ERBB2: variants seen among roughly 807,000 people sequenced by gnomAD.
The protein encoded by ERBB2 is receptor tyrosine-protein kinase erbB-2.
ERBB2 carries 61 observed loss-of-function variants against 149.0 expected under a neutral mutation model. The ratio of observed to expected loss-of-function variants is 0.41; its 90% CI spans 0.33 to 0.51. ERBB2 has a LOEUF of 0.51. ERBB2 is among the 20% of genes least tolerant of loss of function. The probability of loss-of-function intolerance (pLI) is 0.25; values close to 1 mark genes in which losing one functional copy is unlikely to be tolerated. For missense variants in ERBB2, 1,205 were observed against 1,655.1 expected (o/e 0.73, Z 4.72); for synonymous variants, 633 against 678.8 (o/e 0.93, Z 1.05).
At chr17:39,696,395 CG>C (rs1159744871), upstream of ERBB2, 2 of 152,218 alleles carry the variant, frequency 1.3e-5, no homozygotes, top group Admixed American at 1.3e-4. Flanking sequence ...TCTGCCAGTC[CG>C]GGTTTCTTCC....
chr17:39,708,703 C>T (rs113081785), intron 3 of ERBB2, among the ~76,000 whole-genome samples, 169 bp downstream of exon 3: 174 of 152,318 alleles, frequency 1.1e-3, no homozygotes, highest in African/African-American at 3.9e-3. Context: ...TCCCCTTCTT[C>T]CTGGGAAGTT....
intron 16 of ERBB2, among the ~76,000 whole-genome samples, chr17:39,722,448 GC>G (rs2059502073): frequency 6.6e-6 from 1 of 152,004 alleles, no homozygotes; most frequent in Non-Finnish European, 1.5e-5. Context: ...GCTGCAGTGG[GC>G]CATGATCTCA....
chr17:39,726,014 C>A lies in ERBB2; in HGVS notation c.2872+161C>A. Reference sequence around the variant, plus strand: ...CTTGTATCCCTTTTACAGTCAAAGTCCAAAGCCACTCTTGAGGAACACTCT... The same window carrying A: ...CTTGTATCCCTTTTACAGTCAAAGTACAAAGCCACTCTTGAGGAACACTCT... On this transcript the variant is annotated intron_variant, in intron 23 of 26. Coordinates refer to ENST00000269571, the MANE Select transcript of ERBB2 (RefSeq NM_004448.4). This position sits in a 1 kb window ranked among gnomAD's most constrained non-coding sequence, Gnocchi z 5.1. The A allele has an allele frequency of 1.5e-6, 1 of 681,538 alleles. No homozygotes were observed. The highest frequency in any genetic ancestry group is 2.4e-6 in the Non-Finnish European group (1 of 410,356). The allele number at this position is 681,538 out of a possible 1,614,324, so 42.2% of individuals were successfully genotyped here. A position where few individuals can be genotyped will look rare whatever the true frequency, so the allele number is the denominator to read the frequency against.
intron 2 of ERBB2, 47 bp from the exon 3 acceptor site, chr17:39,708,274 G>T (rs186083828): frequency 2.0e-6 from 3 of 1,521,040 alleles, no homozygotes; most frequent in South Asian, 2.3e-5. Flanking sequence ...AGGCCCTGGG[G>T]GGTGGCAGTG....
rs766276087 is a variant in ERBB2, at chr17:39,726,958, C to T, written c.3114C>T (p.Gly1038=). The change falls in exon 25 of 27, where the codon GGC becomes GGT. Residue 1038 remains glycine, a synonymous_variant. Transcript: ENST00000269571. The surrounding 1 kb of genome is among the most constrained non-coding windows in gnomAD (Gnocchi z 5.1). ...QGFFCPDPAP[G]AGGMVHHRHR... The stretch of plus-strand genomic sequence containing the variant: ...TCTTCTGTCCAGACCCTGCCCCGGG[C>T]GCTGGGGGCATGGTCCACCACAGGC... The T allele has an allele frequency of 1.1e-5, 18 of 1,611,400 alleles. No homozygotes were observed. Among genetic ancestry groups the T allele is most frequent in the Non-Finnish European group, 1.4e-5 (17 of 1,179,098 alleles).
At position 39,708,413 on chromosome 17, in the gene ERBB2, G is replaced by C. The variant is rs1416951791; in HGVS notation, c.318G>C (p.Gln106His). ...LQRLRIVRGT[Q>H]LFEDNYALAV... ...GGCTGCGGATTGTGCGAGGCACCCA[G>C]CTCTTTGAGGACAACTATGCCCTGG... Residue 106 changes from glutamine to histidine, a missense_variant, in exon 3 of 27, where the codon CAG becomes CAC. By Grantham distance (24) the Gln-to-His change is conservative (BLOSUM62 0). Around this residue, in one of 6 missense-constraint regions of ERBB2, gnomAD observed 569 missense variants for 803.5 expected, o/e 0.71. Coordinates refer to ENST00000269571, the MANE Select transcript of ERBB2 (RefSeq NM_004448.4). The C allele has an allele frequency of 1.9e-6, 3 of 1,614,204 alleles. No individual in the cohort carries two copies. Among genetic ancestry groups the C allele is most frequent in the African/African-American group, 1.3e-5 (1 of 75,052 alleles).
intron 16 of ERBB2, among the ~76,000 whole-genome samples, chr17:39,722,696 G>A (rs2059512993): frequency 6.6e-6 from 1 of 151,856 alleles, no homozygotes; most frequent in Admixed American, 6.6e-5. Context: ...CCTTGGTGTT[G>A]AGGGGCATGT....
At chr17:39,695,734 C>G (rs2057847169), upstream of ERBB2, among the ~76,000 whole-genome samples, 1 of 151,094 alleles carries the variant, frequency 6.6e-6, no homozygotes, top group East Asian at 1.9e-4. Flanking sequence ...CACACACACA[C>G]ACACACACAC....
chr17:39,694,281 AT>A (rs2057804097), upstream of ERBB2, among the ~76,000 whole-genome samples: 1 of 57,464 alleles, frequency 1.7e-5, no homozygotes, highest in Non-Finnish European at 4.1e-5. Context: ...GTGTATATAT[AT>A]ATATATACAC....
chr17:39,700,001 G>A (rs2145261136), upstream of ERBB2: 1 of 1,266,224 alleles, frequency 7.9e-7, no homozygotes, highest in South Asian at 3.1e-5. Flanking sequence ...CACAGGAGAA[G>A]GAGGAGGTGG....
intron 8 of ERBB2, 135 bp downstream of exon 8, chr17:39,712,182 G>GC (rs2058840764): frequency 2.0e-6 from 3 of 1,507,924 alleles, no homozygotes; most frequent in African/African-American, 1.4e-5. Flanking sequence ...TCTACCCCTG[G>GC]CCCCCCTCAG....
At chr17:39,701,691 C>T (rs1465731606) in intron 1 of ERBB2, among the ~76,000 whole-genome samples, 1 of 152,138 alleles carries the variant, frequency 6.6e-6, no homozygotes, top group Non-Finnish European at 1.5e-5. Flanking sequence ...TTTGTGTTGC[C>T]AAACAGCAGT....
chr17:39,705,244 T>C (rs959394128), intron 1 of ERBB2, among the ~76,000 whole-genome samples: 46 of 152,194 alleles, frequency 3.0e-4, no homozygotes, highest in African/African-American at 1.1e-3. Context: ...ACAGCTGGTA[T>C]CCCTTGAAAA....
rs1381290227 is a variant in ERBB2, at chr17:39,711,959, C to T, written c.933C>T (p.Cys311=). Residue 311 remains cysteine (C), a synonymous_variant, in exon 8 of 27, where the codon TGC becomes TGT. Transcript: ENST00000269571. The part of the protein sequence containing the change: ...YNYLSTDVGS[C]TLVCPLHNQE... ...ACCTTTCTACGGACGTGGGATCCTG[C>T]ACCCTCGTCTGCCCCCTGCACAACC... 3.1e-6 allele frequency: 5 copies of T among 1,614,000 alleles called. No individual in the cohort carries two copies. The Admixed American group carries it at 6.7e-5, about 22-fold the overall frequency.
Position 39,725,946 on chromosome 17 carries a change from T to C in ERBB2, c.2872+93T>C. The C allele has an allele frequency of 7.3e-7, 1 of 1,376,390 alleles. No individual in the cohort carries two copies. The highest frequency in any genetic ancestry group is 1.0e-6 in the Non-Finnish European group (1 of 988,964). The allele number at this position is 1,376,390 out of a possible 1,614,324, so 85.3% of individuals were successfully genotyped here. On this transcript the variant is annotated intron_variant, in intron 23 of 26. Coordinates refer to ENST00000269571, the MANE Select transcript of ERBB2 (RefSeq NM_004448.4). This position sits in a 1 kb window ranked among gnomAD's most constrained non-coding sequence, Gnocchi z 4.6. ...GGGCATGAAAGGGGACCAGGATGTATGTAGACCCAGGAGCCCTAGTATGTT... is the reference window on the plus strand; with the variant it reads ...GGGCATGAAAGGGGACCAGGATGTACGTAGACCCAGGAGCCCTAGTATGTT...
At chr17:39,715,170 A>C (rs2059044396) in intron 9 of ERBB2, 116 bp from the exon 10 acceptor site, 1 of 829,768 alleles carries the variant, frequency 1.2e-6, no homozygotes, top group Non-Finnish European at 2.0e-6. Flanking sequence ...GCTGGGCTCG[A>C]TGGGCAAAGG....
rs1324411001 is a variant in ERBB2 at position 39,712,393 on chromosome 17, G to T, written c.1093G>T (p.Ala365Ser). 1 of 1,601,010 alleles carries T rather than the reference G, an allele frequency of 6.2e-7. No homozygotes were observed. The highest frequency in any genetic ancestry group is 1.7e-5 in the Admixed American group (1 of 59,560). ...AVTSANIQEF[A>S]GCKKIFGSLA... ...TACCAGTGCCAATATCCAGGAGTTT[G>T]CTGGCTGCAAGAAGATCTTTGGGAG... The change falls in exon 9 of 27, where the codon GCT becomes TCT. Residue 365 changes from alanine to serine, a missense_variant. Coordinates refer to ENST00000269571, the MANE Select transcript of ERBB2 (RefSeq NM_004448.4).
chr17:39,717,744 CAT>C (rs1195462124), intron 15 of ERBB2: 1 of 281,456 alleles, frequency 3.6e-6, no homozygotes, highest in African/African-American at 2.2e-5. Context: ...TATAAGTTAA[CAT>C]ATATTAATAT....
At chr17:39,710,035 G>A (rs368612205) in intron 5 of ERBB2, 51 bp from the exon 6 acceptor site, 3 of 1,543,756 alleles carry the variant, frequency 1.9e-6, no homozygotes, top group South Asian at 2.2e-5. Flanking sequence ...GCTGATGAGG[G>A]TCTGGTGCCC....
Sources: allele counts gnomAD v4.1 joint callset (sites outside exome capture counted in the v4.1 genomes callset), GRCh38; gene constraint gnomAD v4.1.1; regional missense constraint gnomAD v4.1.1; non-coding constraint Gnocchi (gnomAD v3.1); transcripts MANE v1.5; gene names NCBI Gene and HGNC (gene_info 2026-07-23, HGNC 2026-07-21).